The following LRRC4C variants were observed in gnomAD, a reference collection of about 807,000 sequenced individuals.
LRRC4C encodes the protein leucine rich repeat containing 4C.
A neutral mutation model predicts 33.6 loss-of-function variants in LRRC4C; 5 were observed. The ratio of observed to expected loss-of-function variants is 0.15; its 90% CI spans 0.08 to 0.31. The LOEUF (loss-of-function observed/expected upper bound fraction) is 0.31. Among genes scored for constraint, LRRC4C ranks in the 10% least tolerant of loss-of-function variants. The probability of loss-of-function intolerance (pLI) is 1.00; values close to 1 mark genes in which losing one functional copy is unlikely to be tolerated. For missense variants in LRRC4C, 560 were observed against 796.7 expected (o/e 0.70, Z 3.58); for synonymous variants, 329 against 302.0 (o/e 1.09, Z -0.93).
chr11:41,314,782 GAACT>G (rs1308683158), intron 1 of LRRC4C, among the ~76,000 whole-genome samples: 1 of 151,846 alleles, frequency 6.6e-6, no homozygotes, highest in African/African-American at 2.4e-5. Context: ...ATGTACCCTA[GAACT>G]TAAAGTATAA....
intron 2 of LRRC4C, among the ~76,000 whole-genome samples, chr11:40,716,469 A>C (rs553690886): frequency 6.6e-6 from 1 of 152,324 alleles, no homozygotes; most frequent in South Asian, 2.1e-4. Context: ...CAATAACAAA[A>C]TAACCAAAAA....
At chr11:40,957,910 C>T (rs369469280) in intron 1 of LRRC4C, among the ~76,000 whole-genome samples, 13 of 151,684 alleles carry the variant, frequency 8.6e-5, no homozygotes, top group East Asian at 1.9e-4. Context: ...GAACCTCCCC[C>T]CTTTCCAATT....
At chr11:41,206,086 G>C (rs1258052799) in intron 1 of LRRC4C, among the ~76,000 whole-genome samples, 1 of 152,084 alleles carries the variant, frequency 6.6e-6, no homozygotes, top group Non-Finnish European at 1.5e-5. Context: ...AGCTTTTTAT[G>C]ACAATTTCAT....
chr11:40,500,930 G>C (rs917630219), intron 3 of LRRC4C, among the ~76,000 whole-genome samples: 1 of 152,144 alleles, frequency 6.6e-6, no homozygotes, highest in Non-Finnish European at 1.5e-5. Context: ...CTATGAGCCT[G>C]TAAAATCAAA....
intron 1 of LRRC4C, among the ~76,000 whole-genome samples, chr11:41,405,006 T>C (rs1954175182): frequency 6.6e-6 from 1 of 152,120 alleles, no homozygotes; most frequent in African/African-American, 2.4e-5. Context: ...AAATCTTCAG[T>C]GTCTTAATAT....
intron 3 of LRRC4C, among the ~76,000 whole-genome samples, chr11:40,439,642 C>T (rs190953832): frequency 9.1e-4 from 138 of 151,742 alleles, no homozygotes; most frequent in Middle Eastern, 3.4e-3. Flanking sequence ...TTAGCAGAGA[C>T]GGGGTTTCAC....
At chr11:40,246,238 T>G (rs1265127812) in intron 4 of LRRC4C, among the ~76,000 whole-genome samples, 1 of 152,144 alleles carries the variant, frequency 6.6e-6, no homozygotes, top group African/African-American at 2.4e-5. Context: ...CCTCCAAAAG[T>G]GCTGCGATTA....
intron 1 of LRRC4C, among the ~76,000 whole-genome samples, chr11:40,974,941 G>C (rs548545700): frequency 6.6e-6 from 1 of 152,208 alleles, no homozygotes; most frequent in South Asian, 2.1e-4. Flanking sequence ...TTTTCCCTCA[G>C]ACTGAGAATT....
intron 2 of LRRC4C, among the ~76,000 whole-genome samples, chr11:40,691,856 G>C (rs1945234349): frequency 6.6e-6 from 1 of 152,070 alleles, no homozygotes; most frequent in Non-Finnish European, 1.5e-5. Context: ...GCTCATTTTA[G>C]AGAACTGTGC....
At chr11:41,302,772 C>T (rs1033998985) in intron 1 of LRRC4C, among the ~76,000 whole-genome samples, 2 of 152,146 alleles carry the variant, frequency 1.3e-5, no homozygotes. Flanking sequence ...CTAAGTTGTT[C>T]ATAATTTAGT....
At chr11:40,561,625 G>A (rs142294516) in intron 3 of LRRC4C, among the ~76,000 whole-genome samples, 5,050 of 151,746 alleles carry the variant, frequency 0.033, 236 homozygotes, top group African/African-American at 0.1. Flanking sequence ...TGTTAGCTAG[G>A]ATGGTCTCGA....
At chr11:41,370,889 A>T (rs186451147) in intron 1 of LRRC4C, among the ~76,000 whole-genome samples, 173 of 152,226 alleles carry the variant, frequency 1.1e-3, no homozygotes, top group African/African-American at 3.9e-3. Flanking sequence ...TGTGGGCAAC[A>T]TCCCTTCTCC....
chr11:40,852,611 A>G (rs1953564622), intron 2 of LRRC4C, among the ~76,000 whole-genome samples: 2 of 152,186 alleles, frequency 1.3e-5, no homozygotes, highest in African/African-American at 4.8e-5. Context: ...ACTGGATAGA[A>G]GGCTCAGAAG....
intron 1 of LRRC4C, among the ~76,000 whole-genome samples, chr11:41,097,770 T>G (rs1940905515): frequency 6.6e-6 from 1 of 152,106 alleles, no homozygotes; most frequent in Admixed American, 6.6e-5. Context: ...TTAACAACTT[T>G]CCCAAAGATG....
chr11:40,717,518 C>A (rs1946789297), intron 2 of LRRC4C, among the ~76,000 whole-genome samples: 1 of 152,062 alleles, frequency 6.6e-6, no homozygotes, highest in Non-Finnish European at 1.5e-5. Flanking sequence ...TATCCATAAA[C>A]TACTCTTCCT....
At chr11:41,041,976 CA>C (rs1857465981) in intron 1 of LRRC4C, among the ~76,000 whole-genome samples, 1 of 152,086 alleles carries the variant, frequency 6.6e-6, no homozygotes, top group South Asian at 2.1e-4. Context: ...TTTCCCAAAT[CA>C]AAATATGATG....
intron 3 of LRRC4C, among the ~76,000 whole-genome samples, chr11:40,439,417 C>T (rs796882203): frequency 6.6e-5 from 10 of 150,938 alleles, no homozygotes; most frequent in South Asian, 2.1e-4. Flanking sequence ...GTTCCTATTA[C>T]GAGTAATAGG....
chr11:41,022,213 A>G (rs1590266536), intron 1 of LRRC4C, among the ~76,000 whole-genome samples: 3 of 150,358 alleles, frequency 2.0e-5, no homozygotes, highest in African/African-American at 7.3e-5. Context: ...TACAGAACAT[A>G]TAAGTGTATA....
At chr11:40,363,404 T>A (rs1381102972) in intron 3 of LRRC4C, among the ~76,000 whole-genome samples, 1 of 151,978 alleles carries the variant, frequency 6.6e-6, no homozygotes, top group Non-Finnish European at 1.5e-5. Context: ...CTGGGGCCTA[T>A]TGGAGGGTGA....
Sources: allele counts gnomAD v4.1 joint callset (sites outside exome capture counted in the v4.1 genomes callset), GRCh38; gene constraint gnomAD v4.1.1; transcripts MANE v1.5; gene names NCBI Gene and HGNC (gene_info 2026-07-23, HGNC 2026-07-21).